EDIL3: variants seen among roughly 807,000 people sequenced by gnomAD.
EDIL3 encodes the protein EGF like and discoidin domains 3.
In EDIL3, 37 loss-of-function variants were observed where a neutral mutation model predicts 67.4. The ratio of observed to expected loss-of-function variants is 0.55; its 90% CI spans 0.42 to 0.72. The LOEUF is 0.72. Among genes scored for constraint, EDIL3 ranks in the 30% least tolerant of loss-of-function variants. The probability of loss-of-function intolerance (pLI) is 0.00; values close to 1 mark genes in which losing one functional copy is unlikely to be tolerated. For synonymous variants in EDIL3, 195 were observed against 196.3 expected (o/e 0.99, Z 0.05); for missense variants, 527 against 586.3 (o/e 0.90, Z 1.04).
intron 5 of EDIL3, among the ~76,000 whole-genome samples, chr5:84,110,570 GAA>G (rs1438923763): frequency 2.6e-5 from 4 of 152,194 alleles, no homozygotes; most frequent in Admixed American, 2.0e-4. Flanking sequence ...TCTGAAGTTT[GAA>G]AAGTGTACCC....
chr5:84,119,197 T>G (rs950615849), intron 5 of EDIL3, among the ~76,000 whole-genome samples: 1 of 150,132 alleles, frequency 6.7e-6, no homozygotes, highest in Middle Eastern at 3.4e-3. Flanking sequence ...TTCAGCCATG[T>G]TTTACATGCA....
chr5:84,267,881 A>T (rs978678653), intron 1 of EDIL3, among the ~76,000 whole-genome samples: 1 of 152,236 alleles, frequency 6.6e-6, no homozygotes, highest in Admixed American at 6.5e-5. Flanking sequence ...TCATGCCTGT[A>T]ATCCTAACAC....
At chr5:84,149,405 T>C (rs1748348319) in intron 4 of EDIL3, among the ~76,000 whole-genome samples, 1 of 152,142 alleles carries the variant, frequency 6.6e-6, no homozygotes, top group Admixed American at 6.6e-5. Flanking sequence ...AACTGTTTCA[T>C]GGGGCATTGG....
At chr5:84,244,882 C>A (rs1482402175) in intron 2 of EDIL3, among the ~76,000 whole-genome samples, 1 of 152,210 alleles carries the variant, frequency 6.6e-6, no homozygotes, top group Non-Finnish European at 1.5e-5. Flanking sequence ...GCATTAAATT[C>A]TCATAAGAAC....
intron 1 of EDIL3, among the ~76,000 whole-genome samples, chr5:84,366,670 AG>A (rs1167223378): frequency 1.3e-5 from 2 of 152,224 alleles, no homozygotes; most frequent in East Asian, 3.8e-4. Context: ...AAAAACGGAA[AG>A]GGGATAACAA....
intron 9 of EDIL3, among the ~76,000 whole-genome samples, chr5:84,014,988 C>G (rs796826881): frequency 3.3e-5 from 5 of 152,254 alleles, no homozygotes; most frequent in African/African-American, 1.2e-4. Context: ...GATCTCTCTA[C>G]TATAGATCAA....
At chr5:84,212,300 G>A (rs947544075) in intron 3 of EDIL3, among the ~76,000 whole-genome samples, 2 of 152,128 alleles carry the variant, frequency 1.3e-5, no homozygotes, top group Non-Finnish European at 2.9e-5. Flanking sequence ...GATAAAAGTG[G>A]AGAGAAGGAT....
intron 9 of EDIL3, among the ~76,000 whole-genome samples, chr5:84,036,111 C>A (rs1424905792): frequency 6.6e-6 from 1 of 152,162 alleles, no homozygotes; most frequent in African/African-American, 2.4e-5. Flanking sequence ...GAACCAATGA[C>A]CACTATTTGT....
At chr5:84,072,982 G>C (rs1580312544) in intron 6 of EDIL3, among the ~76,000 whole-genome samples, 1 of 152,244 alleles carries the variant, frequency 6.6e-6, no homozygotes, top group East Asian at 1.9e-4. Context: ...GAACACCACA[G>C]GTAAAGTTCA....
chr5:84,088,120 T>C (rs1373692110), intron 6 of EDIL3, among the ~76,000 whole-genome samples: 2 of 152,182 alleles, frequency 1.3e-5, no homozygotes, highest in Non-Finnish European at 2.9e-5. Flanking sequence ...ATTTGAAATG[T>C]TTTCTCCACT....
chr5:83,957,205 G>A (rs373352797), intron 10 of EDIL3, among the ~76,000 whole-genome samples: 17 of 151,796 alleles, frequency 1.1e-4, no homozygotes, highest in African/African-American at 3.4e-4. Flanking sequence ...GAGTGAAACC[G>A]TCCTTGATCC....
At chr5:84,296,766 A>AG (rs1313212436) in intron 1 of EDIL3, among the ~76,000 whole-genome samples, 2 of 152,200 alleles carry the variant, frequency 1.3e-5, no homozygotes, top group Non-Finnish European at 2.9e-5. Flanking sequence ...GCTTAGAGCA[A>AG]AAGAAGCCAT....
At chr5:83,984,499 A>G (rs1745026372) in intron 9 of EDIL3, among the ~76,000 whole-genome samples, 1 of 152,146 alleles carries the variant, frequency 6.6e-6, no homozygotes, top group East Asian at 1.9e-4. Context: ...TGTGGTCCAA[A>G]GAAACAAATC....
At chr5:84,234,650 A>G (rs1744645154) in intron 2 of EDIL3, among the ~76,000 whole-genome samples, 1 of 152,186 alleles carries the variant, frequency 6.6e-6, no homozygotes, top group Non-Finnish European at 1.5e-5. Flanking sequence ...GTGGCTTACC[A>G]TCAAATAGGA....
At chr5:83,984,921 T>C (rs1745032285) in intron 9 of EDIL3, among the ~76,000 whole-genome samples, 1 of 147,112 alleles carries the variant, frequency 6.8e-6, no homozygotes, top group African/African-American at 2.5e-5. Flanking sequence ...GTATGCTACA[T>C]GCATGCACAC....
intron 1 of EDIL3, among the ~76,000 whole-genome samples, chr5:84,338,245 T>G (rs374921224): frequency 1.3e-5 from 2 of 152,276 alleles, no homozygotes; most frequent in South Asian, 4.1e-4. Context: ...CACTCCTGAC[T>G]AAATTTGGCT....
At chr5:84,085,721 C>T (rs1195283560) in intron 6 of EDIL3, among the ~76,000 whole-genome samples, 1 of 152,138 alleles carries the variant, frequency 6.6e-6, no homozygotes, top group African/African-American at 2.4e-5. Context: ...GGAGAATCCC[C>T]CTTGTCAGGA....
rs1180830416 is a variant in EDIL3 at position 84,319,210 on chromosome 5, C to T, written c.68-64998G>A. Among the ~76,000 whole-genome samples the T allele has an allele frequency of 6.5e-5, 4 of 61,548 alleles. 1 individual carries two copies. Among genetic ancestry groups the T allele is most frequent in the Non-Finnish European group, 1.2e-4 (3 of 24,456 alleles). The allele number at this position is 61,548 out of a possible 152,430, so 40.4% of individuals were successfully genotyped here. Reference sequence around the variant, plus strand: ...ATGCTTGGCCGGGCGCGGTGGCTCACGCCTGTAATCCCAGCACTTTGGGAG... The same window carrying T: ...ATGCTTGGCCGGGCGCGGTGGCTCATGCCTGTAATCCCAGCACTTTGGGAG... On this transcript the variant is annotated intron_variant, in intron 1 of 10. Transcript: ENST00000296591.
At chr5:84,311,107 CTGA>C (rs1370615075) in intron 1 of EDIL3, among the ~76,000 whole-genome samples, 1 of 151,842 alleles carries the variant, frequency 6.6e-6, no homozygotes, top group Non-Finnish European at 1.5e-5. Context: ...CTTCTTGTGG[CTGA>C]TGGTCATTTG....
Sources: allele counts gnomAD v4.1 joint callset (sites outside exome capture counted in the v4.1 genomes callset), GRCh38; gene constraint gnomAD v4.1.1; transcripts MANE v1.5; gene names NCBI Gene and HGNC (gene_info 2026-07-23, HGNC 2026-07-21).